The following CPLANE1 variants were observed in gnomAD, a reference collection of about 807,000 sequenced individuals.
The protein encoded by CPLANE1 is ciliogenesis and planar polarity effector 1.
In CPLANE1, 263 loss-of-function variants were observed where a neutral mutation model predicts 362.5. That is an observed-to-expected ratio of 0.73 (90% CI 0.66 to 0.80). CPLANE1 has a LOEUF of 0.80. Ranked by LOEUF, CPLANE1 falls within the 30% of genes least tolerant of loss-of-function variation. The pLI, the probability that CPLANE1 is intolerant of heterozygous loss-of-function variation, is 0.00. For synonymous variants in CPLANE1, 1,212 were observed against 1,302.6 expected, an observed-to-expected ratio of 0.93 and a Z score of 1.50; for missense variants, 3,461 against 3,793.4, an observed-to-expected ratio of 0.91 and a Z score of 2.30.
chr5:37,174,064 A>G (rs1780506710), intron 31 of CPLANE1, 117 bp from the exon 32 acceptor site: 2 of 889,266 alleles, frequency 2.2e-6, no homozygotes, highest in Admixed American at 5.6e-5. Context: ...AGGTTATTCT[A>G]GTAGTTTTCT....
intron 18 of CPLANE1, among the ~76,000 whole-genome samples, chr5:37,202,202 T>C (rs923412117): frequency 2.0e-5 from 3 of 151,742 alleles, no homozygotes; most frequent in Non-Finnish European, 2.9e-5. Flanking sequence ...TCACCCAGGC[T>C]GGAGTGTGAA....
rs747586143 is a variant in CPLANE1 at position 37,180,095 on chromosome 5, T to C, written c.5659A>G (p.Ile1887Val). ...TCTAAAAGATTCTCATCAATATCTA[T>C]AAATTCTTTTTTAGTATTATGAGTG... ...SITHNTKKEF[I>V]DIDENLLEVE... Residue 1887 changes from isoleucine to valine, a missense_variant, in exon 28 of 53, where the codon ATA (isoleucine) becomes GTA (valine). Transcript: ENST00000651892. 6.4e-7 allele frequency: 1 copy of C among 1,564,142 alleles called. No individual in the cohort carries two copies. Among genetic ancestry groups the C allele is most frequent in the South Asian group, 1.2e-5 (1 of 84,944 alleles).
chr5:37,168,054 T>C lies in CPLANE1; in HGVS notation c.7233+737A>G, dbSNP rs183007199. Among the ~76,000 whole-genome samples the C allele has an allele frequency of 4.2e-4, 64 of 152,268 alleles. 1 individual carries two copies. The highest frequency in any genetic ancestry group is 4.9e-4 in the Non-Finnish European group (33 of 68,016). On this transcript the variant is annotated intron_variant, in intron 34 of 52. Transcript: ENST00000651892. ...CTTTCCCAGTACCATCTTCAAATCA[T>C]AAAAGTACACCACAGAATGCATTAC...
At chr5:37,107,912 A>G in intron 52 of CPLANE1, 134 bp from the exon 53 acceptor site, 5 of 1,378,956 alleles carry the variant, frequency 3.6e-6, no homozygotes, top group Non-Finnish European at 4.8e-6. Context: ...GCTGAAGGAA[A>G]TGTGCCAGGA....
At chr5:37,085,803 T>C in the CPLANE1 span, 1 of 1,442,810 alleles carries the variant, frequency 6.9e-7, no homozygotes, top group South Asian at 1.1e-5. Flanking sequence ...TGCCTCACTA[T>C]TGCTGAAGAG....
At chr5:37,182,461 AAGG>A (rs1352138243) in intron 26 of CPLANE1, among the ~76,000 whole-genome samples, 5 of 152,208 alleles carry the variant, frequency 3.3e-5, no homozygotes, top group Admixed American at 3.3e-4. Flanking sequence ...CTGAAACTGA[AAGG>A]AGAAATAATA....
chr5:37,222,835 G>T (rs191012902), intron 14 of CPLANE1, among the ~76,000 whole-genome samples: 7 of 152,220 alleles, frequency 4.6e-5, no homozygotes, highest in Admixed American at 1.3e-4. Context: ...ACATTGCTTT[G>T]GTTTCAAGGC....
chr5:37,090,615 T>C, the CPLANE1 span, among the ~76,000 whole-genome samples: 8 of 152,310 alleles, frequency 5.3e-5, no homozygotes, highest in South Asian at 2.1e-4. Flanking sequence ...CACTCCCCCA[T>C]ACCTAATGCT....
chr5:37,076,085 C>T, the CPLANE1 span, among the ~76,000 whole-genome samples: 1 of 150,568 alleles, frequency 6.6e-6, no homozygotes, highest in Non-Finnish European at 1.5e-5. Context: ...TCAATCACTA[C>T]AAAAAAAACA....
Position 37,209,136 on chromosome 5 carries a change from T to G in CPLANE1, c.2921-2711A>C, listed in dbSNP as rs1401451532. 6.6e-6 allele frequency among the ~76,000 whole-genome samples: 1 copy of G among 152,102 alleles called. No homozygotes were observed. The highest frequency in any genetic ancestry group is 1.5e-5 in the Non-Finnish European group (1 of 68,018). On this transcript the variant is annotated intron_variant, in intron 16 of 52. Transcript: ENST00000651892. The surrounding 1 kb of genome is among the most constrained non-coding windows in gnomAD (Gnocchi z 4.6). The stretch of plus-strand genomic sequence containing the variant: ...GTGACTGGGTCACGGTCCTCACTCA[T>G]TCCTCAGAACCGCGAAGAAAGGAAG...
chr5:37,125,120 T>A, intron 47 of CPLANE1, 124 bp downstream of exon 47: 1 of 1,404,072 alleles, frequency 7.1e-7, no homozygotes, highest in South Asian at 1.5e-5. Flanking sequence ...AAGTAAAACA[T>A]TTACTTTTCT....
rs777686211 is a variant in CPLANE1 at position 37,226,775 on chromosome 5, T to TAAAAA, written c.1815_1819dup (p.Tyr607PhefsTer8). ...AGGACATTTTATAAATTGAAGAATG[T>TAAAAA]AAAAAAAATGAGTGATACAAACTAC... On this transcript the variant is annotated frameshift_variant, in exon 12 of 53. Coordinates refer to ENST00000651892, the MANE Select transcript of CPLANE1 (RefSeq NM_001384732.1). LOFTEE classifies it high-confidence loss of function. 1 of 1,539,804 alleles carries TAAAAA rather than the reference T, an allele frequency of 6.5e-7. No homozygotes were observed. The highest frequency in any genetic ancestry group is 1.4e-5 in the African/African-American group (1 of 72,222).
chr5:37,241,747 C>G (rs1424324539), intron 6 of CPLANE1, among the ~76,000 whole-genome samples: 3 of 152,098 alleles, frequency 2.0e-5, no homozygotes, highest in African/African-American at 2.4e-5. Context: ...CCACCTCAGC[C>G]TCCCAAGCAG....
chr5:37,080,303 G>A, the CPLANE1 span, among the ~76,000 whole-genome samples: 1 of 152,222 alleles, frequency 6.6e-6, no homozygotes, highest in Non-Finnish European at 1.5e-5. Flanking sequence ...CTCTAGCACA[G>A]TGAGTGGCGT....
At chr5:37,094,490 G>T in the CPLANE1 span, among the ~76,000 whole-genome samples, 1 of 152,140 alleles carries the variant, frequency 6.6e-6, no homozygotes, top group South Asian at 2.1e-4. Context: ...GTCTGAAAGA[G>T]CACAGATAGA....
At chr5:37,092,461 G>A in the CPLANE1 span, among the ~76,000 whole-genome samples, 2 of 152,240 alleles carry the variant, frequency 1.3e-5, no homozygotes, top group Non-Finnish European at 2.9e-5. Flanking sequence ...ACAAAACTGG[G>A]AAAGTACTGG....
rs1280623208 is a variant in CPLANE1 at position 37,153,788 on chromosome 5, T to C, written c.8325A>G (p.Ile2775Met). 1 of 1,613,936 alleles carries C rather than the reference T, an allele frequency of 6.2e-7. No individual in the cohort carries two copies. The highest frequency in any genetic ancestry group is 8.5e-7 in the Non-Finnish European group (1 of 1,179,940). The change falls in exon 42 of 53, where the codon ATA becomes ATG. Residue 2775 changes from isoleucine to methionine, a missense_variant. Ile to Met is a conservative substitution (Grantham distance 10, BLOSUM62 1). Transcript: ENST00000651892. The stretch of plus-strand genomic sequence containing the variant: ...TTTCAGGCTTGGGGAAATCCTGTTC[T>C]ATGTTTTCAGCAATGTTCTGTATTG... ...LLAIQNIAEN[I>M]EQDFPKPEML...
At chr5:37,233,259 G>A (rs889745121) in intron 8 of CPLANE1, among the ~76,000 whole-genome samples, 1 of 152,154 alleles carries the variant, frequency 6.6e-6, no homozygotes. Context: ...GAAGAGGGGA[G>A]ACCAGGCACT....
chr5:37,169,610 C>T (rs1202306434), intron 33 of CPLANE1, 49 bp from the exon 34 acceptor site: 1 of 1,472,754 alleles, frequency 6.8e-7, no homozygotes, highest in East Asian at 2.3e-5. Context: ...ATTAGAAATT[C>T]CTTCCTTTGT....
Sources: gnomAD v4.1 joint callset for allele counts (sites outside exome capture counted in the v4.1 genomes callset) on GRCh38, gnomAD v4.1.1 for gene constraint, Gnocchi (gnomAD v3.1) non-coding constraint, MANE v1.5 for transcripts, NCBI Gene and HGNC (gene_info 2026-07-23, HGNC 2026-07-21) for gene names.